Variants in DNMT3A observed in about 807,000 individuals in gnomAD.
DNMT3A encodes DNA methyltransferase 3 alpha.
DNMT3A carries 267 observed loss-of-function variants against 117.6 expected under a neutral mutation model. The ratio of observed to expected loss-of-function variants is 2.27; its 90% CI spans 2.05 to 2.51. DNMT3A has a LOEUF of 2.51. Ranked by LOEUF, DNMT3A falls within the 30% of genes most tolerant of loss-of-function variation. DNMT3A has a pLI of 0.00. For synonymous variants in DNMT3A, 432 were observed against 474.8 expected, an observed-to-expected ratio of 0.91 and a Z score of 1.17; for missense variants, 1,029 against 1,260.2, an observed-to-expected ratio of 0.82 and a Z score of 2.78.
chr2:25,233,649 G>A lies in DNMT3A; in HGVS notation c.*630C>T. ...TTTTGCGTGACCAGGAATGGTGCTG[G>A]CACGACAGCTCAGTGGCTGGGAGGG... On this transcript the variant is annotated 3_prime_UTR_variant, in exon 23 of 23. Transcript: ENST00000321117. The A allele has an allele frequency of 4.3e-6, 1 of 232,266 alleles. No individual in the cohort carries two copies. The highest frequency in any genetic ancestry group is 8.5e-6 in the Non-Finnish European group (1 of 117,692). 14.4% of individuals were successfully genotyped at this position (232,266 alleles called of 1,614,324 possible).
intron 2 of DNMT3A, among the ~76,000 whole-genome samples, chr2:25,300,750 T>TAC (rs2033454220): frequency 1.6e-5 from 1 of 64,418 alleles, no homozygotes; most frequent in African/African-American, 6.3e-5. Context: ...TATATATATA[T>TAC]ATATATATAT....
chr2:25,234,288 C>G lies in DNMT3A; in HGVS notation c.2730G>C (p.Ala910=). ...HLFAPLKEYF[A]CV is the part of the protein sequence containing the mutation. ...TTTGCCCCCATGTCCCTTACACACA[C>G]GCAAAATACTCCTTCAGCGGAGCGA... The change falls in exon 23 of 23, where the codon GCG becomes GCC. Residue 910 remains alanine (A), a synonymous_variant. Transcript: ENST00000321117. This position sits in a 1 kb window ranked among gnomAD's most constrained non-coding sequence, Gnocchi z 4.5. The G allele has an allele frequency of 6.2e-7, 1 of 1,613,398 alleles. No homozygotes were observed.
At chr2:25,307,707 C>T (rs1381221476) in intron 2 of DNMT3A, among the ~76,000 whole-genome samples, 5 of 152,144 alleles carry the variant, frequency 3.3e-5, no homozygotes, top group African/African-American at 1.2e-4. Flanking sequence ...CTCAAGTGAT[C>T]CATCTGCCTT....
rs2030818657 is a variant in DNMT3A, at chr2:25,270,831, A to C, written c.639+4110T>G. ...AAATGAGACTGAGAAAAGAGGAGAA[A>C]TGTCTGTGCTGTTGTTACACCACTT... On this transcript the variant is annotated intron_variant, in intron 6 of 22. Coordinates refer to ENST00000321117, the MANE Select transcript of DNMT3A (RefSeq NM_022552.5). Among the ~76,000 whole-genome samples the C allele has an allele frequency of 2.0e-5, 3 of 152,154 alleles. No homozygotes were observed. The South Asian group carries it at 6.2e-4, about 32-fold the overall frequency.
At chr2:25,341,745 C>G in intron 1 of DNMT3A, 81 bp downstream of exon 1, 1 of 938,696 alleles carries the variant, frequency 1.1e-6, no homozygotes, top group Middle Eastern at 5.4e-4. Flanking sequence ...CACTGCCAGC[C>G]GCGGCGCCCC....
At chr2:25,330,598 G>A (rs1249038944) in intron 1 of DNMT3A, among the ~76,000 whole-genome samples, 4 of 152,198 alleles carry the variant, frequency 2.6e-5, no homozygotes, top group African/African-American at 4.8e-5. Flanking sequence ...TCGGAAAGCA[G>A]GGCAGCCTAG....
rs149104452 is a variant in DNMT3A at position 25,298,836 on chromosome 2, T to C, written c.177+1303A>G. Among the ~76,000 whole-genome samples the C allele has an allele frequency of 4.0e-3, 610 of 152,160 alleles. 8 individuals are homozygous for C. The highest frequency in any genetic ancestry group is 0.014 in the African/African-American group (580 of 41,452). ...TTACTTACCAGTAAAATGACTTCAC[T>C]CCGCCCCCCTGCCCCCCGCCTCAAA... On this transcript the variant is annotated intron_variant, in intron 3 of 22. Transcript: ENST00000321117. This position sits in a 1 kb window ranked among gnomAD's most constrained non-coding sequence, Gnocchi z 4.3.
chr2:25,251,422 C>T (rs1311192847), intron 6 of DNMT3A, among the ~76,000 whole-genome samples: 1 of 152,190 alleles, frequency 6.6e-6, no homozygotes, highest in Non-Finnish European at 1.5e-5. Flanking sequence ...ATTCCCCACT[C>T]CCTGCTGGCT....
rs1279886985 is a variant in DNMT3A, at chr2:25,311,446, C to T, written c.72+2467G>A. Among the ~76,000 whole-genome samples the T allele has an allele frequency of 2.0e-5, 3 of 152,140 alleles. No individual in the cohort carries two copies. Among genetic ancestry groups the T allele is most frequent in the African/African-American group, 7.2e-5 (3 of 41,432 alleles). ...AGCCCAGAGGTGCCGGGGAAGTGTG[C>T]CAGGTGAGCCAGCATGCGTGGTGTA... On this transcript the variant is annotated intron_variant, in intron 2 of 22. Coordinates refer to ENST00000321117, the MANE Select transcript of DNMT3A (RefSeq NM_022552.5). This position sits in a 1 kb window ranked among gnomAD's most constrained non-coding sequence, Gnocchi z 5.2.
At position 25,296,991 on chromosome 2, in the gene DNMT3A, G is replaced by A. The variant is rs1358369395; in HGVS notation, c.177+3148C>T. On this transcript the variant is annotated intron_variant, in intron 3 of 22. Transcript: ENST00000321117. This position sits in a 1 kb window ranked among gnomAD's most constrained non-coding sequence, Gnocchi z 4.2. ...GCTCCTTCCCCAGGCTTAGCTGGAT[G>A]ACACACTCAGCTGCTTTAAAGCTCC... Among the ~76,000 whole-genome samples the A allele has an allele frequency of 6.6e-6, 1 of 152,152 alleles. No individual in the cohort carries two copies. Among genetic ancestry groups the A allele is most frequent in the African/African-American group, 2.4e-5 (1 of 41,428 alleles).
At chr2:25,316,174 G>T (rs1311066492) in intron 1 of DNMT3A, among the ~76,000 whole-genome samples, 1 of 152,234 alleles carries the variant, frequency 6.6e-6, no homozygotes, top group East Asian at 1.9e-4. Context: ...GGGCGGGAGG[G>T]TTGTCTTGAT....
intron 3 of DNMT3A, among the ~76,000 whole-genome samples, chr2:25,283,798 T>C (rs1451240708): frequency 6.6e-6 from 1 of 152,226 alleles, no homozygotes; most frequent in Non-Finnish European, 1.5e-5. Flanking sequence ...AGAATAATCC[T>C]GGCTGTCTGT....
At chr2:25,313,830 T>C in intron 2 of DNMT3A, 83 bp downstream of exon 2, 2 of 1,543,748 alleles carry the variant, frequency 1.3e-6, no homozygotes, top group South Asian at 1.2e-5. Context: ...ATGCACTCAG[T>C]ATGAGGAGCC....
Position 25,234,223 on chromosome 2 carries a change from GTTTT to G in DNMT3A, c.*52_*55del, listed in dbSNP as rs945611346. The G allele has an allele frequency of 2.6e-6, 4 of 1,564,798 alleles. No homozygotes were observed. The Admixed American group carries it at 5.4e-5, about 21-fold the overall frequency. On this transcript the variant is annotated 3_prime_UTR_variant, in exon 23 of 23. Transcript: ENST00000321117. This position sits in a 1 kb window ranked among gnomAD's most constrained non-coding sequence, Gnocchi z 4.5. ...TTCTTGGTGTTTTATTATGTTTTGT[GTTTT>G]TTGTTTGTTTGTTTAACTTTGTGTC... is the stretch of plus-strand genomic sequence containing the variant.
At position 25,254,155 on chromosome 2, in the gene DNMT3A, CTGT is replaced by C. The variant is rs1455520668; in HGVS notation, c.640-5906_640-5904del. On this transcript the variant is annotated intron_variant, in intron 6 of 22. Coordinates refer to ENST00000321117, the MANE Select transcript of DNMT3A (RefSeq NM_022552.5). This position sits in a 1 kb window ranked among gnomAD's most constrained non-coding sequence, Gnocchi z 4.7. ...ACAAGTCACTTAACCCCCAAGAAATCTGTTGTCTCATCTGCAAAACGAGTGATG... is the reference window on the plus strand; with the variant it reads ...ACAAGTCACTTAACCCCCAAGAAATCTGTCTCATCTGCAAAACGAGTGATG... 6.6e-6 allele frequency among the ~76,000 whole-genome samples: 1 copy of C among 152,048 alleles called. No homozygotes were observed. Among genetic ancestry groups the C allele is most frequent in the Admixed American group, 6.6e-5 (1 of 15,264 alleles).
rs2033765968 is a variant in DNMT3A, at chr2:25,306,036, G to C, written c.73-5793C>G. On this transcript the variant is annotated intron_variant, in intron 2 of 22. Coordinates refer to ENST00000321117, the MANE Select transcript of DNMT3A (RefSeq NM_022552.5). The surrounding 1 kb of genome is among the most constrained non-coding windows in gnomAD (Gnocchi z 4.1). The stretch of plus-strand genomic sequence containing the variant: ...AAGCATGCCCAGCCTTTGCCAGCTG[G>C]CTGGCTGGCCTCCCAGGGACTGTCT... Among the ~76,000 whole-genome samples, 1 of 152,246 alleles carries C rather than the reference G, an allele frequency of 6.6e-6. No individual in the cohort carries two copies. The highest frequency in any genetic ancestry group is 2.1e-4 in the South Asian group (1 of 4,838).
chr2:25,310,836 G>C (rs2034074663), intron 2 of DNMT3A, among the ~76,000 whole-genome samples: 1 of 152,156 alleles, frequency 6.6e-6, no homozygotes, highest in South Asian at 2.1e-4. Context: ...GCCCGGCTGG[G>C]TCCCATCCCC....
chr2:25,261,990 T>G (rs370644290), intron 6 of DNMT3A, among the ~76,000 whole-genome samples: 13 of 152,018 alleles, frequency 8.6e-5, no homozygotes, highest in South Asian at 4.2e-4. Context: ...ATCAAGACCA[T>G]CCTGGCCAAC....
intron 3 of DNMT3A, among the ~76,000 whole-genome samples, chr2:25,290,783 G>A (rs6739187): frequency 0.41 from 60,544 of 147,312 alleles, 12,742 homozygotes; most frequent in Middle Eastern, 0.46. Context: ...GCGATCACCG[G>A]GGAAGGGGGA....
Sources: gnomAD v4.1 joint callset for allele counts (sites outside exome capture counted in the v4.1 genomes callset) on GRCh38, gnomAD v4.1.1 for gene constraint, Gnocchi (gnomAD v3.1) non-coding constraint, MANE v1.5 for transcripts, NCBI Gene and HGNC (gene_info 2026-07-23, HGNC 2026-07-21) for gene names.